CTNNBL1: variants seen among roughly 807,000 people sequenced by gnomAD.
CTNNBL1 encodes beta-catenin-like protein 1.
In CTNNBL1, 31 loss-of-function variants were observed where a neutral mutation model predicts 72.7. The ratio of observed to expected loss-of-function variants is 0.43; its 90% confidence interval spans 0.32 to 0.58. The LOEUF (loss-of-function observed/expected upper bound fraction) is 0.58, where lower values mean the gene tolerates loss of function less well. Ranked by LOEUF, CTNNBL1 falls within the 20% of genes least tolerant of loss-of-function variation. CTNNBL1 has a pLI of 0.08. For synonymous variants in CTNNBL1, 240 were observed against 267.3 expected (o/e 0.90, Z 1.00); for missense variants, 534 against 725.1 (o/e 0.74, Z 3.03).
intron 1 of CTNNBL1, among the ~76,000 whole-genome samples, chr20:37,708,799 C>T (rs1394287578): frequency 6.6e-6 from 1 of 152,124 alleles, no homozygotes; most frequent in Non-Finnish European, 1.5e-5. Flanking sequence ...CTTTGTACTT[C>T]CTTTCAACAG....
chr20:37,779,851 A>G (rs1223575438), intron 10 of CTNNBL1, among the ~76,000 whole-genome samples: 1 of 152,154 alleles, frequency 6.6e-6, no homozygotes, highest in African/African-American at 2.4e-5. Context: ...TATTTATAGT[A>G]CTTTCCTTGT....
chr20:37,715,962 G>A (rs767278217), intron 1 of CTNNBL1, among the ~76,000 whole-genome samples: 3 of 151,824 alleles, frequency 2.0e-5, no homozygotes, highest in Non-Finnish European at 4.4e-5. Flanking sequence ...TAAAGCTATA[G>A]TAATATGTAG....
At chr20:37,715,581 G>C (rs1359169971) in intron 1 of CTNNBL1, among the ~76,000 whole-genome samples, 2 of 152,166 alleles carry the variant, frequency 1.3e-5, no homozygotes, top group Middle Eastern at 3.2e-3. Context: ...GCCCATTCTG[G>C]CTCACTTATG....
chr20:37,722,862 A>C (rs1212116328), intron 1 of CTNNBL1, among the ~76,000 whole-genome samples: 1 of 152,210 alleles, frequency 6.6e-6, no homozygotes, highest in East Asian at 1.9e-4. Flanking sequence ...TTGATGTCTA[A>C]TTGTCCCTCC....
At chr20:37,730,874 G>A (rs1038133978) in intron 1 of CTNNBL1, among the ~76,000 whole-genome samples, 2 of 152,162 alleles carry the variant, frequency 1.3e-5, no homozygotes, top group African/African-American at 4.8e-5. Context: ...AAAGGTCCTT[G>A]GACTAGGAGT....
intron 11 of CTNNBL1, among the ~76,000 whole-genome samples, chr20:37,814,110 T>A (rs1200687808): frequency 2.0e-5 from 3 of 152,218 alleles, no homozygotes; most frequent in African/African-American, 7.2e-5. Context: ...GTCACACAGC[T>A]AGTACCTGGC....
At chr20:37,869,420 G>A (rs920695410) in intron 15 of CTNNBL1, among the ~76,000 whole-genome samples, 1 of 152,236 alleles carries the variant, frequency 6.6e-6, no homozygotes, top group African/African-American at 2.4e-5. Context: ...CCAGGCCCCA[G>A]TAAGGGACCA....
In CTNNBL1 at chr20:37,700,383, A is replaced by G. The variant is rs6020294; in HGVS notation, c.30+6231A>G. Among the ~76,000 whole-genome samples, 263 of 152,218 alleles carry G rather than the reference A, an allele frequency of 1.7e-3. 3 individuals are homozygous for G. The highest frequency in any genetic ancestry group is 6.0e-3 in the African/African-American group (251 of 41,540). ...TTAACATTTTTTGGGTGCTTACTACATTTCATTTTTGGGGCGACTTGGTGG... is the reference window on the plus strand; with the variant it reads ...TTAACATTTTTTGGGTGCTTACTACGTTTCATTTTTGGGGCGACTTGGTGG... On this transcript the variant is annotated intron_variant, in intron 1 of 15. Coordinates refer to ENST00000361383, the MANE Select transcript of CTNNBL1 (RefSeq NM_030877.5).
intron 15 of CTNNBL1, among the ~76,000 whole-genome samples, chr20:37,864,525 C>T (rs6063714): frequency 0.2 from 30,827 of 152,012 alleles, 3,926 homozygotes; most frequent in East Asian, 0.42. Context: ...GTGCCAAGAG[C>T]GCAGGGAATA....
chr20:37,840,626 T>C (rs2072295878), intron 12 of CTNNBL1, among the ~76,000 whole-genome samples: 2 of 152,260 alleles, frequency 1.3e-5, no homozygotes, highest in South Asian at 4.1e-4. Flanking sequence ...AATACTCATC[T>C]TGAAGGGTCA....
intron 10 of CTNNBL1, among the ~76,000 whole-genome samples, chr20:37,800,986 C>G (rs1252285802): frequency 1.3e-5 from 2 of 152,202 alleles, no homozygotes. Context: ...GGAGGCTTTC[C>G]TTAATAACTG....
chr20:37,831,848 AAAC>A (rs2072213215), intron 11 of CTNNBL1, among the ~76,000 whole-genome samples: 1 of 152,234 alleles, frequency 6.6e-6, no homozygotes, highest in African/African-American at 2.4e-5. Context: ...TAAGATTATG[AAAC>A]TCTAGAAGGA....
intron 11 of CTNNBL1, among the ~76,000 whole-genome samples, chr20:37,824,216 T>G (rs2072137735): frequency 6.6e-6 from 1 of 152,232 alleles, no homozygotes. Flanking sequence ...TTCAGCATAC[T>G]GCCATTACAA....
intron 1 of CTNNBL1, among the ~76,000 whole-genome samples, chr20:37,709,961 C>G (rs1343542791): frequency 6.6e-6 from 1 of 152,186 alleles, no homozygotes; most frequent in Non-Finnish European, 1.5e-5. Flanking sequence ...CATGGGTAAA[C>G]CAGAGAGCCC....
At chr20:37,695,271 A>G (rs920539104) in intron 1 of CTNNBL1, among the ~76,000 whole-genome samples, 1 of 152,210 alleles carries the variant, frequency 6.6e-6, no homozygotes, top group African/African-American at 2.4e-5. Flanking sequence ...GCAGTGGCAC[A>G]ATCATTGCTC....
intron 15 of CTNNBL1, among the ~76,000 whole-genome samples, chr20:37,865,264 CA>C (rs1410339824): frequency 6.6e-6 from 1 of 152,142 alleles, no homozygotes; most frequent in Non-Finnish European, 1.5e-5. Flanking sequence ...TAGCGCAAAG[CA>C]GAATGGAGCC....
chr20:37,815,379 G>A (rs1015450498), intron 11 of CTNNBL1, among the ~76,000 whole-genome samples: 3 of 150,070 alleles, frequency 2.0e-5, no homozygotes, highest in East Asian at 2.0e-4. Context: ...GTACGATGGC[G>A]CCATCTCAGC....
chr20:37,700,751 C>G (rs777601226), intron 1 of CTNNBL1, among the ~76,000 whole-genome samples: 1 of 152,168 alleles, frequency 6.6e-6, no homozygotes, highest in Non-Finnish European at 1.5e-5. Flanking sequence ...GGAAAAAGTT[C>G]TTACCTCTGA....
intron 1 of CTNNBL1, among the ~76,000 whole-genome samples, chr20:37,712,132 G>A (rs570375165): frequency 6.6e-6 from 1 of 152,152 alleles, no homozygotes. Flanking sequence ...TTGCTTTCCC[G>A]CCTAGGTTGT....
Sources: allele counts gnomAD v4.1 joint callset (sites outside exome capture counted in the v4.1 genomes callset), GRCh38; gene constraint gnomAD v4.1.1; transcripts MANE v1.5; gene names NCBI Gene and HGNC (gene_info 2026-07-23, HGNC 2026-07-21).